LHFPL3: variants seen among roughly 807,000 people sequenced by gnomAD.
LHFPL3 encodes the protein LHFPL tetraspan subfamily member 3, also known as LHFPL tetraspan subfamily member 3 protein.
In LHFPL3, 5 loss-of-function variants were observed where a neutral mutation model predicts 19.3. That is an observed-to-expected ratio of 0.26 (90% CI 0.14 to 0.54). The LOEUF (loss-of-function observed/expected upper bound fraction) is 0.54, where lower values mean the gene tolerates loss of function less well. Ranked by LOEUF, LHFPL3 falls within the 20% of genes least tolerant of loss-of-function variation. LHFPL3 has a pLI of 0.94. For missense variants in LHFPL3, 249 were observed against 307.4 expected (o/e 0.81, Z 1.42); for synonymous variants, 133 against 126.2 (o/e 1.05, Z -0.36).
intron 1 of LHFPL3, among the ~76,000 whole-genome samples, chr7:104,520,746 T>C (rs1212385771): frequency 7.4e-6 from 1 of 135,130 alleles, no homozygotes; most frequent in Non-Finnish European, 1.6e-5. Context: ...GAGGTGTTTG[T>C]AGTATTCTCT....
chr7:104,742,962 C>CA (rs928204682), intron 2 of LHFPL3, among the ~76,000 whole-genome samples: 40 of 150,750 alleles, frequency 2.7e-4, no homozygotes, highest in Admixed American at 6.6e-4. Context: ...ATTAAAAATA[C>CA]AAAAAAAAAT....
intron 1 of LHFPL3, among the ~76,000 whole-genome samples, chr7:104,535,235 TG>T (rs1794370525): frequency 6.6e-6 from 1 of 152,224 alleles, no homozygotes; most frequent in South Asian, 2.1e-4. Context: ...TTCACGTCTC[TG>T]GAAAAGGATT....
rs1478667394 is a variant in LHFPL3, at chr7:104,725,042, C to T, written c.446-11633C>T. Reference sequence around the variant, plus strand: ...AGCAAAATATCCATTGCATAAAGTACTGTTGTATATTATTTCATCTATCTT... The same window carrying T: ...AGCAAAATATCCATTGCATAAAGTATTGTTGTATATTATTTCATCTATCTT... On this transcript the variant is annotated intron_variant, in intron 1 of 2. Coordinates refer to ENST00000424859, the MANE Select transcript of LHFPL3 (RefSeq NM_199000.3). 2.6e-5 allele frequency among the ~76,000 whole-genome samples: 4 copies of T among 152,190 alleles called. No homozygotes were observed. In the East Asian group the frequency reaches 7.7e-4, roughly 29 times the overall value.
intron 1 of LHFPL3, among the ~76,000 whole-genome samples, chr7:104,503,097 CAT>C (rs993779686): frequency 8.3e-5 from 12 of 144,686 alleles, no homozygotes; most frequent in Admixed American, 4.0e-4. Context: ...CTGCTCACCA[CAT>C]GTTTTGTTAA....
chr7:104,351,665 T>G (rs907122015), intron 1 of LHFPL3, among the ~76,000 whole-genome samples: 1 of 152,222 alleles, frequency 6.6e-6, no homozygotes, highest in East Asian at 1.9e-4. Context: ...TGTTAATAGT[T>G]TGGCCAAACA....
At chr7:104,607,920 A>G (rs1327649015) in intron 1 of LHFPL3, among the ~76,000 whole-genome samples, 2 of 152,254 alleles carry the variant, frequency 1.3e-5, no homozygotes, top group African/African-American at 4.8e-5. Context: ...TAACCATCAG[A>G]GAAATGCAAA....
At chr7:104,872,566 A>T (rs1374187117) in intron 2 of LHFPL3, among the ~76,000 whole-genome samples, 2 of 152,044 alleles carry the variant, frequency 1.3e-5, no homozygotes, top group African/African-American at 4.8e-5. Flanking sequence ...AATCGCTGGA[A>T]TCCAGGAAGC....
rs539105365 is a variant in LHFPL3, at chr7:104,668,542, G to C, written c.446-68133G>C. On this transcript the variant is annotated intron_variant, in intron 1 of 2. Transcript: ENST00000424859. Reference sequence around the variant, plus strand: ...CGAGGCAGCAGAGACTATGATAGAGGCTATGATTCCCGGATAGGCAGTGGC... The same window carrying C: ...CGAGGCAGCAGAGACTATGATAGAGCCTATGATTCCCGGATAGGCAGTGGC... The C allele has an allele frequency of 1.9e-6, 3 of 1,613,144 alleles. No individual in the cohort carries two copies. In the South Asian group the frequency reaches 3.3e-5, roughly 18 times the overall value.
chr7:104,505,649 T>A (rs1320575242), intron 1 of LHFPL3, among the ~76,000 whole-genome samples: 1 of 152,196 alleles, frequency 6.6e-6, no homozygotes, highest in African/African-American at 2.4e-5. Context: ...GTAGAAAACA[T>A]ATTTATATGT....
At chr7:104,595,797 A>G (rs540272079) in intron 1 of LHFPL3, among the ~76,000 whole-genome samples, 35 of 152,304 alleles carry the variant, frequency 2.3e-4, no homozygotes, top group African/African-American at 7.7e-4. Flanking sequence ...CCAGGCTGCC[A>G]TCTCGCAGAT....
chr7:104,364,962 G>A (rs6953110), intron 1 of LHFPL3, among the ~76,000 whole-genome samples: 44 of 152,154 alleles, frequency 2.9e-4, no homozygotes, highest in Non-Finnish European at 5.1e-4. Context: ...GAGATACTGA[G>A]GGTGCAGGAG....
chr7:104,512,882 AAT>A (rs1239519319), intron 1 of LHFPL3, among the ~76,000 whole-genome samples: 1 of 152,116 alleles, frequency 6.6e-6, no homozygotes, highest in African/African-American at 2.4e-5. Flanking sequence ...TTCTCTTTTA[AAT>A]TGGCGATGAG....
intron 1 of LHFPL3, among the ~76,000 whole-genome samples, chr7:104,692,527 G>T (rs1350950001): frequency 6.6e-6 from 1 of 152,240 alleles, no homozygotes; most frequent in African/African-American, 2.4e-5. Context: ...GCTAAAAGGG[G>T]TGAACATACA....
chr7:104,669,751 A>T (rs748144618), intron 1 of LHFPL3, among the ~76,000 whole-genome samples: 1 of 152,204 alleles, frequency 6.6e-6, no homozygotes, highest in Non-Finnish European at 1.5e-5. Context: ...CAGCCTTTAA[A>T]GTATTGAAGT....
intron 1 of LHFPL3, among the ~76,000 whole-genome samples, chr7:104,549,221 A>C (rs1429688526): frequency 1.3e-5 from 2 of 152,118 alleles, no homozygotes; most frequent in African/African-American, 4.8e-5. Flanking sequence ...CCAGACCAGG[A>C]TAGAGGCTAA....
chr7:104,664,717 AC>A (rs1288964922), intron 1 of LHFPL3, among the ~76,000 whole-genome samples: 3 of 152,112 alleles, frequency 2.0e-5, no homozygotes, highest in Non-Finnish European at 2.9e-5. Flanking sequence ...CAGTTTGCTG[AC>A]CCCTGCCCTT....
At chr7:104,722,283 A>C (rs1250330312) in intron 1 of LHFPL3, among the ~76,000 whole-genome samples, 2 of 152,168 alleles carry the variant, frequency 1.3e-5, no homozygotes, top group Non-Finnish European at 2.9e-5. Context: ...AGATCCTTTT[A>C]GTTGAACAAA....
intron 1 of LHFPL3, among the ~76,000 whole-genome samples, chr7:104,553,539 G>A (rs2115916369): frequency 6.6e-6 from 1 of 152,274 alleles, no homozygotes; most frequent in South Asian, 2.1e-4. Flanking sequence ...GGTTGGGTAT[G>A]AAACTGCCTC....
intron 2 of LHFPL3, among the ~76,000 whole-genome samples, chr7:104,741,461 CA>C (rs5886331): frequency 0.52 from 48,567 of 92,766 alleles, 8,981 homozygotes; most frequent in East Asian, 0.69. Flanking sequence ...TTCTTTATGC[CA>C]AAAAAAAAAA....
Sources: gnomAD v4.1 joint callset for allele counts (sites outside exome capture counted in the v4.1 genomes callset) on GRCh38, gnomAD v4.1.1 for gene constraint, MANE v1.5 for transcripts, NCBI Gene and HGNC (gene_info 2026-07-23, HGNC 2026-07-21) for gene names.